PRR16: variants seen among roughly 807,000 people sequenced by gnomAD.
The protein encoded by PRR16 is proline rich 16.
In PRR16, 6 loss-of-function variants were observed where a neutral mutation model predicts 18.2. The ratio of observed to expected loss-of-function variants is 0.33; its 90% CI spans 0.18 to 0.65. The LOEUF (loss-of-function observed/expected upper bound fraction) is 0.65, where lower values mean the gene tolerates loss of function less well. PRR16 is among the 30% of genes least tolerant of loss of function. PRR16 has a pLI of 0.74. For synonymous variants in PRR16, 151 were observed against 147.8 expected (o/e 1.02, Z -0.16); for missense variants, 412 against 376.6 (o/e 1.09, Z -0.78).
chr5:120,530,597 G>A (rs1423757495), intron 1 of PRR16, among the ~76,000 whole-genome samples: 3 of 151,928 alleles, frequency 2.0e-5, no homozygotes, highest in Admixed American at 6.6e-5. Flanking sequence ...AAGTGTGAGC[G>A]ACTAGCATGA....
At chr5:120,599,833 A>C (rs553853349) in intron 1 of PRR16, among the ~76,000 whole-genome samples, 95 of 151,870 alleles carry the variant, frequency 6.3e-4, no homozygotes, top group African/African-American at 2.1e-3. Context: ...AGTGACTCAG[A>C]TCTTAGGTAG....
Position 120,498,740 on chromosome 5 carries a change from A to C in PRR16, c.159+34095A>C, listed in dbSNP as rs1298125641. 2.0e-5 allele frequency among the ~76,000 whole-genome samples: 3 copies of C among 151,520 alleles called. No homozygotes were observed. The East Asian group carries it at 5.8e-4, about 29-fold the overall frequency. On this transcript the variant is annotated intron_variant, in intron 1 of 1. Coordinates refer to ENST00000407149, the MANE Select transcript of PRR16 (RefSeq NM_001300783.2). The stretch of plus-strand genomic sequence containing the variant: ...TCTTATTTTTTATTTGTTTGTTTTT[A>C]ATCCAAGAACATCTTGATTACTCTT...
At chr5:120,507,409 A>G (rs1420638558) in intron 1 of PRR16, among the ~76,000 whole-genome samples, 1 of 152,148 alleles carries the variant, frequency 6.6e-6, no homozygotes, top group Non-Finnish European at 1.5e-5. Flanking sequence ...ATTTATCAGC[A>G]GTGTTTCTCA....
At chr5:120,563,372 C>G (rs1486804931) in intron 1 of PRR16, among the ~76,000 whole-genome samples, 1 of 152,162 alleles carries the variant, frequency 6.6e-6, no homozygotes, top group Non-Finnish European at 1.5e-5. Flanking sequence ...GAGATGCTCT[C>G]TGGGAGTCAG....
chr5:120,729,928 G>A, the PRR16 span, among the ~76,000 whole-genome samples: 1 of 152,082 alleles, frequency 6.6e-6, no homozygotes, highest in Non-Finnish European at 1.5e-5. Flanking sequence ...TCTTTGCTCT[G>A]TGGGTCCAGA....
intron 1 of PRR16, among the ~76,000 whole-genome samples, chr5:120,664,053 CT>C (rs1263451708): frequency 3.3e-5 from 5 of 152,140 alleles, no homozygotes; most frequent in African/African-American, 1.2e-4. Context: ...AATCTCAGTA[CT>C]TTTGGAGGCC....
chr5:120,741,518 T>G, the PRR16 span, among the ~76,000 whole-genome samples: 10 of 152,242 alleles, frequency 6.6e-5, no homozygotes, highest in Non-Finnish European at 1.5e-4. Flanking sequence ...GCCGTGATGA[T>G]AGTAAACATT....
chr5:120,537,072 GA>G (rs1364451444), intron 1 of PRR16, among the ~76,000 whole-genome samples: 1 of 152,086 alleles, frequency 6.6e-6, no homozygotes, highest in Non-Finnish European at 1.5e-5. Context: ...GAGAGAAACA[GA>G]AAAAATAACT....
intron 1 of PRR16, among the ~76,000 whole-genome samples, chr5:120,540,290 A>G (rs1646560187): frequency 1.3e-5 from 2 of 152,200 alleles, no homozygotes; most frequent in South Asian, 2.1e-4. Context: ...GTTTGCACAC[A>G]GCAGCTAGAT....
At chr5:120,741,263 T>G in the PRR16 span, among the ~76,000 whole-genome samples, 1 of 152,116 alleles carries the variant, frequency 6.6e-6, no homozygotes, top group African/African-American at 2.4e-5. Context: ...ATTTTATTAT[T>G]GAGGCAGAGT....
At chr5:120,514,278 A>T (rs1333839807) in intron 1 of PRR16, among the ~76,000 whole-genome samples, 1 of 152,128 alleles carries the variant, frequency 6.6e-6, no homozygotes, top group African/African-American at 2.4e-5. Context: ...GTTCTCTGAA[A>T]TGCCTTTGGT....
intron 1 of PRR16, among the ~76,000 whole-genome samples, chr5:120,624,649 T>C (rs1006592587): frequency 6.6e-6 from 1 of 152,084 alleles, no homozygotes; most frequent in Non-Finnish European, 1.5e-5. Flanking sequence ...CATAGGGGTG[T>C]TATAGATTTT....
At chr5:120,703,651 G>T in the PRR16 span, among the ~76,000 whole-genome samples, 24 of 152,110 alleles carry the variant, frequency 1.6e-4, no homozygotes, top group Non-Finnish European at 3.2e-4. Context: ...TTTGTCTATT[G>T]CTTTTATTTA....
the PRR16 span, among the ~76,000 whole-genome samples, chr5:120,762,795 G>T: frequency 6.6e-5 from 10 of 152,084 alleles, no homozygotes; most frequent in African/African-American, 2.4e-4. Flanking sequence ...ACTTTCATTA[G>T]TCTATTTCTG....
intron 1 of PRR16, chr5:120,465,599 G>T (rs1749052692): frequency 6.5e-6 from 1 of 153,052 alleles, no homozygotes; most frequent in Non-Finnish European, 1.5e-5. Context: ...CGGGGGCCGG[G>T]CTGGGAGGGG....
At chr5:120,700,868 G>A in the PRR16 span, among the ~76,000 whole-genome samples, 16 of 152,192 alleles carry the variant, frequency 1.1e-4, no homozygotes, top group African/African-American at 3.1e-4. Context: ...CCGCTAAGCC[G>A]AGAAGATCTG....
chr5:120,481,125 T>C (rs1487273862), intron 1 of PRR16: 1 of 1,190,388 alleles, frequency 8.4e-7, no homozygotes, highest in South Asian at 1.5e-5. Flanking sequence ...ACAGCTACTT[T>C]ACCAATGTTT....
At chr5:120,755,624 G>A in the PRR16 span, among the ~76,000 whole-genome samples, 1 of 151,980 alleles carries the variant, frequency 6.6e-6, no homozygotes, top group Admixed American at 6.6e-5. Context: ...TCTTTATCCA[G>A]TCCACTGTCG....
intron 1 of PRR16, among the ~76,000 whole-genome samples, chr5:120,650,215 A>G (rs1366085061): frequency 2.8e-5 from 4 of 142,352 alleles, no homozygotes; most frequent in Non-Finnish European, 6.3e-5. Context: ...GACTCCTTCT[A>G]AAAAAAAAAA....
Sources: allele counts gnomAD v4.1 joint callset (sites outside exome capture counted in the v4.1 genomes callset), GRCh38; gene constraint gnomAD v4.1.1; transcripts MANE v1.5; gene names NCBI Gene and HGNC (gene_info 2026-07-23, HGNC 2026-07-21).